Variants in MANEAL observed in about 807,000 individuals in gnomAD.
MANEAL encodes glycoprotein endo-alpha-1,2-mannosidase-like protein.
In MANEAL, 28 loss-of-function variants were observed where a neutral mutation model predicts 35.9. The observed-to-expected ratio is 0.78, with a 90% CI of 0.58 to 1.07. The LOEUF (loss-of-function observed/expected upper bound fraction) is 1.07, where lower values mean the gene tolerates loss of function less well. Among genes scored for constraint, MANEAL ranks in the 50% least tolerant of loss-of-function variants. The pLI is 0.00. For synonymous variants in MANEAL, 286 were observed against 272.2 expected, an observed-to-expected ratio of 1.05 and a Z score of -0.50; for missense variants, 576 against 629.6, an observed-to-expected ratio of 0.91 and a Z score of 0.91.
chr1:37,797,034 C>T (rs1646651192), intron 3 of MANEAL, among the ~76,000 whole-genome samples: 1 of 152,214 alleles, frequency 6.6e-6, no homozygotes, highest in African/African-American at 2.4e-5. Context: ...GCCTCTTAAC[C>T]TTTGAGTCTT....
At chr1:37,795,573 G>A (rs1307233984) in intron 1 of MANEAL, 164 bp from the exon 2 acceptor site, 1 of 1,440,374 alleles carries the variant, frequency 6.9e-7, no homozygotes, top group African/African-American at 1.4e-5. Flanking sequence ...GGACAGCTCC[G>A]GGGCGCGAGG....
intron 2 of MANEAL, 63 bp from the exon 3 acceptor site, chr1:37,796,681 G>A (rs1266652811): frequency 1.4e-6 from 2 of 1,445,866 alleles, no homozygotes; most frequent in Non-Finnish European, 1.9e-6. Flanking sequence ...TAGATCCTGA[G>A]CCTGATATGT....
Position 37,794,282 on chromosome 1 carries a change from G to T in MANEAL, c.100G>T (p.Gly34Ter). ...MGLRTLKAPD[G>*]LPALGPGLEL... ...TCTGCGCACGCTCAAGGCTCCGGAC[G>T]GACTCCCGGCGCTGGGCCCGGGCCT... The change falls in exon 1 of 4, where the codon GGA (glycine) becomes TGA (stop). Residue 34 changes from glycine to a stop codon, truncating the protein, a stop_gained. Transcript: ENST00000373045. LOFTEE classifies it high-confidence loss of function. The surrounding 1 kb of genome is among the most constrained non-coding windows in gnomAD (Gnocchi z 5.7). 1 of 1,255,214 alleles carries T rather than the reference G, an allele frequency of 8.0e-7. No individual in the cohort carries two copies. The allele number at this position is 1,255,214 out of a possible 1,614,324, so 77.8% of individuals were successfully genotyped here.
Position 37,796,789 on chromosome 1 carries a change from G to A in MANEAL, c.706G>A (p.Val236Ile). 6.2e-7 allele frequency: 1 copy of A among 1,609,668 alleles called. No homozygotes were observed. Among genetic ancestry groups the A allele is most frequent in the Non-Finnish European group, 8.5e-7 (1 of 1,178,006 alleles). Residue 236 changes from valine to isoleucine, a missense_variant, in exon 3 of 4, where the codon GTA (valine) becomes ATA (isoleucine). Physicochemically the swap from Val to Ile is conservative, Grantham distance 29 (BLOSUM62 3). Coordinates refer to ENST00000373045, the MANE Select transcript of MANEAL (RefSeq NM_001113482.2). ...CTACAAGGGCCGGGATGACATCACTGTACATGACAACATCAAGTACATCAT... is the reference window on the plus strand; with the variant it reads ...CTACAAGGGCCGGGATGACATCACTATACATGACAACATCAAGTACATCAT... The part of the protein sequence containing the change: ...QPYKGRDDIT[V>I]HDNIKYIIDT...
Position 37,800,233 on chromosome 1 carries a change from T to TGTC in MANEAL, c.*31_*33dup. On this transcript the variant is annotated 3_prime_UTR_variant, in exon 4 of 4. Transcript: ENST00000373045. The stretch of plus-strand genomic sequence containing the variant: ...CCTGTAAATGGGCGTGAGGTGCTGA[T>TGTC]GTCCTTGCCTTGCTGGAAGATGTCA... 1 of 1,600,626 alleles carries TGTC rather than the reference T, an allele frequency of 6.2e-7. No individual in the cohort carries two copies. The highest frequency in any genetic ancestry group is 8.5e-7 in the Non-Finnish European group (1 of 1,175,026).
rs1646640385 is a variant in MANEAL at position 37,795,750 on chromosome 1, GTCCTGGT to G, written c.565_571del (p.Ser189ThrfsTer84). The G allele has an allele frequency of 1.2e-6, 2 of 1,614,076 alleles. No individual in the cohort carries two copies. The highest frequency in any genetic ancestry group is 1.7e-6 in the Non-Finnish European group (2 of 1,180,030). On this transcript the variant is annotated frameshift_variant, in exon 2 of 4. Transcript: ENST00000373045. LOFTEE classifies it high-confidence loss of function. Reference sequence around the variant, plus strand: ...GTTGCGTCTCAGGCGTCCTGGTCCTGTCCTGGTACCCACCTGGCATGGCTGATGATAA... The same window carrying G: ...GTTGCGTCTCAGGCGTCCTGGTCCTGACCCACCTGGCATGGCTGATGATAA...
In MANEAL at chr1:37,799,503, C is replaced by T. The variant is rs1020228472; in HGVS notation, c.738-64C>T. On this transcript the variant is annotated intron_variant, in intron 3 of 3. Coordinates refer to ENST00000373045, the MANE Select transcript of MANEAL (RefSeq NM_001113482.2). This position sits in a 1 kb window ranked among gnomAD's most constrained non-coding sequence, Gnocchi z 4.1. ...CTGTGTTGCATCCGTATCTCATCCA[C>T]GGGAGGTCCTACAGCTGTGCTGGTC... is the stretch of plus-strand genomic sequence containing the variant. The T allele has an allele frequency of 1.1e-4, 165 of 1,530,826 alleles. No homozygotes were observed. The highest frequency in any genetic ancestry group is 1.3e-4 in the Non-Finnish European group (152 of 1,135,160). 94.8% of individuals were successfully genotyped at this position (1,530,826 alleles called of 1,614,324 possible).
rs112072696 is a variant in MANEAL at position 37,795,985 on chromosome 1, G to A, written c.660+139G>A. 8.8e-3 allele frequency: 6,128 copies of A among 692,618 alleles called. 101 individuals are homozygous for A. Among genetic ancestry groups the A allele is most frequent in the African/African-American group, 0.05 (2,816 of 55,820 alleles). 42.9% of individuals were successfully genotyped at this position (692,618 alleles called of 1,614,324 possible). ...ACAAATATGTGGCAAGTGTGGTTTT[G>A]GGGGAGGGTTCAGATAAATGGTGCC... On this transcript the variant is annotated intron_variant, in intron 2 of 3. Transcript: ENST00000373045.
chr1:37,794,749 C>G lies in MANEAL; in HGVS notation c.550+17C>G, dbSNP rs769654244. 4.6e-6 allele frequency: 7 copies of G among 1,523,540 alleles called. No individual in the cohort carries two copies. In the African/African-American group the frequency reaches 6.8e-5, roughly 15 times the overall value. The allele number at this position is 1,523,540 out of a possible 1,614,324, so 94.4% of individuals were successfully genotyped here. ...CCGCCATCGGTGAGCGCCCCCCACCCCGGGCGGCCCTGCCCCCCAGCCTCA... is the reference window on the plus strand; with the variant it reads ...CCGCCATCGGTGAGCGCCCCCCACCGCGGGCGGCCCTGCCCCCCAGCCTCA... On this transcript the variant is annotated intron_variant, in intron 1 of 3. Transcript: ENST00000373045. The surrounding 1 kb of genome is among the most constrained non-coding windows in gnomAD (Gnocchi z 5.7).
In MANEAL at chr1:37,799,458, T is replaced by G. The variant is rs1646674553; in HGVS notation, c.738-109T>G. 14 of 1,256,918 alleles carry G rather than the reference T, an allele frequency of 1.1e-5. No individual in the cohort carries two copies. In the South Asian group the frequency reaches 2.0e-4, roughly 18 times the overall value. 77.9% of individuals were successfully genotyped at this position (1,256,918 alleles called of 1,614,324 possible). The stretch of plus-strand genomic sequence containing the variant: ...GCATGATGACTCCAACTGTGGAGAC[T>G]GACTGGCTCCAGAACTGGGCTGTGT... On this transcript the variant is annotated intron_variant, in intron 3 of 3. Transcript: ENST00000373045. The surrounding 1 kb of genome is among the most constrained non-coding windows in gnomAD (Gnocchi z 4.1).
At chr1:37,798,961 C>T (rs573110022) in intron 3 of MANEAL, among the ~76,000 whole-genome samples, 97 of 151,966 alleles carry the variant, frequency 6.4e-4, no homozygotes, top group African/African-American at 2.2e-3. Context: ...ATCACTTGAA[C>T]CCCAGGAGGT....
In MANEAL at chr1:37,799,545, G is replaced by A. The variant is rs371450846; in HGVS notation, c.738-22G>A. ...GTGCTGGTCTCTCCCATCCAGCTGA[G>A]GCTCTTCTTTCTCCTTCTCAGGTAT... On this transcript the variant is annotated intron_variant, in intron 3 of 3. Transcript: ENST00000373045. This position sits in a 1 kb window ranked among gnomAD's most constrained non-coding sequence, Gnocchi z 4.1. 5.0e-6 allele frequency: 8 copies of A among 1,605,232 alleles called. No homozygotes were observed. Among genetic ancestry groups the A allele is most frequent in the Non-Finnish European group, 6.0e-6 (7 of 1,175,356 alleles).
chr1:37,794,742 C>T lies in MANEAL; in HGVS notation c.550+10C>T. On this transcript the variant is annotated intron_variant, in intron 1 of 3. Coordinates refer to ENST00000373045, the MANE Select transcript of MANEAL (RefSeq NM_001113482.2). This position sits in a 1 kb window ranked among gnomAD's most constrained non-coding sequence, Gnocchi z 5.7. ...AAGGAAGCCGCCATCGGTGAGCGCC[C>T]CCCACCCCGGGCGGCCCTGCCCCCC... The T allele has an allele frequency of 6.5e-7, 1 of 1,540,410 alleles. No homozygotes were observed. The highest frequency in any genetic ancestry group is 2.3e-5 in the East Asian group (1 of 44,106).
At chr1:37,795,884 A>G (rs1200525969) in intron 2 of MANEAL, 38 bp downstream of exon 2, 2 of 1,577,572 alleles carry the variant, frequency 1.3e-6, no homozygotes, top group Non-Finnish European at 1.7e-6. Context: ...TCTCTGCCCT[A>G]TTCTGGAGAG....
rs541722919 is a variant in MANEAL at position 37,794,404 on chromosome 1, G to T, written c.222G>T (p.Pro74=). The change falls in exon 1 of 4, where the codon CCG becomes CCT. Residue 74 remains proline (P), a synonymous_variant. Coordinates refer to ENST00000373045, the MANE Select transcript of MANEAL (RefSeq NM_001113482.2). The surrounding 1 kb of genome is among the most constrained non-coding windows in gnomAD (Gnocchi z 5.7). Reference sequence around the variant, plus strand: ...CCGCGCCGCCCCCGCCGCCGCCGCCGCCCCGCACCGCGGACCCTGGCGGCT... The same window carrying T: ...CCGCGCCGCCCCCGCCGCCGCCGCCTCCCCGCACCGCGGACCCTGGCGGCT... ...APAAPPPPPP[P]PRTADPGGSP... The T allele has an allele frequency of 2.0e-4, 240 of 1,227,178 alleles. No individual in the cohort carries two copies. Among genetic ancestry groups the T allele is most frequent in the Non-Finnish European group, 2.4e-4 (236 of 977,022 alleles). 76.0% of individuals were successfully genotyped at this position (1,227,178 alleles called of 1,614,324 possible). A position where few individuals can be genotyped will look rare whatever the true frequency, so the allele number is the denominator to read the frequency against.
At position 37,799,717 on chromosome 1, in the gene MANEAL, C is replaced by T; in HGVS notation, c.888C>T (p.Pro296=). Residue 296 remains proline, a synonymous_variant, in exon 4 of 4, where the codon CCC becomes CCT. Coordinates refer to ENST00000373045, the MANE Select transcript of MANEAL (RefSeq NM_001113482.2). This position sits in a 1 kb window ranked among gnomAD's most constrained non-coding sequence, Gnocchi z 4.1. The stretch of plus-strand genomic sequence containing the variant: ...GGCCCCATTCGATCCGCAACACGCC[C>T]TACGATGGGGTCTTCATAGCGCTGC... ...PNGPHSIRNT[P]YDGVFIALLV... 1.2e-6 allele frequency: 2 copies of T among 1,614,228 alleles called. No individual in the cohort carries two copies. Among genetic ancestry groups the T allele is most frequent in the African/African-American group, 1.3e-5 (1 of 75,066 alleles).
rs1254257533 is a variant in MANEAL, at chr1:37,794,116, C to A, written c.-67C>A. On this transcript the variant is annotated 5_prime_UTR_variant, in exon 1 of 4. Coordinates refer to ENST00000373045, the MANE Select transcript of MANEAL (RefSeq NM_001113482.2). This position sits in a 1 kb window ranked among gnomAD's most constrained non-coding sequence, Gnocchi z 5.7. ...ACAGTCTGCCTGGGAAGCGCGCGGC[C>A]GGGCGGGCGGCCATGGCGCGGCACG... 9 of 1,051,778 alleles carry A rather than the reference C, an allele frequency of 8.6e-6. No individual in the cohort carries two copies. In the East Asian group the frequency reaches 5.5e-4, roughly 64 times the overall value. The allele number at this position is 1,051,778 out of a possible 1,614,324, so 65.2% of individuals were successfully genotyped here. A position where few individuals can be genotyped will look rare whatever the true frequency, so the allele number is the denominator to read the frequency against.
chr1:37,798,003 C>A (rs558071596), intron 3 of MANEAL, among the ~76,000 whole-genome samples: 12 of 151,702 alleles, frequency 7.9e-5, no homozygotes, highest in Admixed American at 5.9e-4. Context: ...AAAAAATTAG[C>A]TGGGCATAGC....
At chr1:37,797,464 C>CTTTTTT (rs79029579) in intron 3 of MANEAL, among the ~76,000 whole-genome samples, 1 of 116,996 alleles carries the variant, frequency 8.5e-6, no homozygotes, top group Non-Finnish European at 1.9e-5. Context: ...AATGCCAGTG[C>CTTTTTT]TTTTTTTTTT....
Sources: gnomAD v4.1 joint callset for allele counts (sites outside exome capture counted in the v4.1 genomes callset) on GRCh38, gnomAD v4.1.1 for gene constraint, Gnocchi (gnomAD v3.1) non-coding constraint, MANE v1.5 for transcripts, NCBI Gene and HGNC (gene_info 2026-07-23, HGNC 2026-07-21) for gene names.